The following ZNRF1 variants were observed in gnomAD, a reference collection of about 807,000 sequenced individuals.
ZNRF1 encodes zinc and ring finger 1, also known as E3 ubiquitin-protein ligase ZNRF1.
A neutral mutation model predicts 18.4 loss-of-function variants in ZNRF1; 3 were observed. The observed-to-expected ratio is 0.16, with a 90% confidence interval of 0.07 to 0.42. The LOEUF (loss-of-function observed/expected upper bound fraction) is 0.42, where lower values mean the gene tolerates loss of function less well. ZNRF1 is among the 10% of genes least tolerant of loss of function. The probability of loss-of-function intolerance (pLI) is 0.99; values close to 1 mark genes in which losing one functional copy is unlikely to be tolerated. For missense variants in ZNRF1, 310 were observed against 329.8 expected (o/e 0.94, Z 0.47); for synonymous variants, 157 against 144.2 (o/e 1.09, Z -0.64).
At chr16:75,067,728 TAA>T (rs1421922484) in intron 1 of ZNRF1, among the ~76,000 whole-genome samples, 1 of 152,210 alleles carries the variant, frequency 6.6e-6, no homozygotes, top group Non-Finnish European at 1.5e-5. Context: ...GCTTAATAGA[TAA>T]TGTTAGGAGA....
At chr16:75,071,140 C>T (rs942221458) in intron 1 of ZNRF1, among the ~76,000 whole-genome samples, 13 of 149,594 alleles carry the variant, frequency 8.7e-5, no homozygotes, top group Admixed American at 6.0e-4. Context: ...TGCTCTGTCA[C>T]GCAGGCTGGA....
At chr16:75,087,983 A>T (rs750751014) in intron 1 of ZNRF1, among the ~76,000 whole-genome samples, 9 of 152,222 alleles carry the variant, frequency 5.9e-5, no homozygotes, top group African/African-American at 1.2e-4. Context: ...AGCATCTCTT[A>T]CCTGCTCTGA....
At chr16:75,097,072 G>A (rs1293508880) in intron 2 of ZNRF1, among the ~76,000 whole-genome samples, 6 of 152,240 alleles carry the variant, frequency 3.9e-5, no homozygotes, top group African/African-American at 9.6e-5. Context: ...GAGGGGGTTC[G>A]TTGGTTTGTT....
At chr16:75,015,215 C>T (rs1270372694) in intron 1 of ZNRF1, among the ~76,000 whole-genome samples, 3 of 151,966 alleles carry the variant, frequency 2.0e-5, no homozygotes, top group East Asian at 3.8e-4. Flanking sequence ...ATTTTATTTA[C>T]CTGAGGTCAT....
chr16:75,080,724 A>T (rs1317197911), intron 1 of ZNRF1, among the ~76,000 whole-genome samples: 1 of 152,170 alleles, frequency 6.6e-6, no homozygotes, highest in Non-Finnish European at 1.5e-5. Context: ...TAAAGACTCC[A>T]GCTGGGCATG....
Position 75,083,201 on chromosome 16 carries a change from A to T in ZNRF1, c.425-10371A>T, listed in dbSNP as rs76239992. On this transcript the variant is annotated intron_variant, in intron 1 of 4. Coordinates refer to ENST00000335325, the MANE Select transcript of ZNRF1 (RefSeq NM_032268.5). ...TGAATTTCCTCGAATGGACAGATTT[A>T]CCAGCAAGCTTCAGTATATTTGGGC... 7.0e-3 allele frequency among the ~76,000 whole-genome samples: 1,066 copies of T among 152,332 alleles called. 8 individuals carry two copies. The highest frequency in any genetic ancestry group is 0.025 in the African/African-American group (1,020 of 41,578).
intron 1 of ZNRF1, among the ~76,000 whole-genome samples, chr16:75,051,078 G>C (rs1481672477): frequency 6.6e-6 from 1 of 150,540 alleles, no homozygotes; most frequent in East Asian, 1.9e-4. Context: ...GCACATGCCT[G>C]TAGTCCCAGT....
At chr16:75,051,398 A>G (rs1036126478) in intron 1 of ZNRF1, among the ~76,000 whole-genome samples, 12 of 150,942 alleles carry the variant, frequency 8.0e-5, no homozygotes, top group Admixed American at 5.9e-4. Context: ...TGGTAGAGAA[A>G]GGGTTTCCTC....
In ZNRF1 at chr16:75,104,895, AG is replaced by A; in HGVS notation, c.626+10del. 6.3e-7 allele frequency: 1 copy of A among 1,590,026 alleles called. No individual in the cohort carries two copies. Among genetic ancestry groups the A allele is most frequent in the Non-Finnish European group, 8.6e-7 (1 of 1,168,332 alleles). On this transcript the variant is annotated splice_region_variant and intron_variant, in intron 3 of 4. Transcript: ENST00000335325. ...CTGTGCATCTATCACAAAAGGTAGG[AG>A]GGGTTGGCAAGGTAGCTTAGTGCAC...
intron 1 of ZNRF1, among the ~76,000 whole-genome samples, chr16:75,044,818 C>G (rs750267921): frequency 6.6e-6 from 1 of 152,204 alleles, no homozygotes; most frequent in Non-Finnish European, 1.5e-5. Flanking sequence ...GAATGGAATT[C>G]TTAAAAGTGA....
intron 1 of ZNRF1, among the ~76,000 whole-genome samples, chr16:75,048,178 T>A (rs2035540689): frequency 6.6e-6 from 1 of 152,200 alleles, no homozygotes; most frequent in Admixed American, 6.5e-5. Flanking sequence ...CTCAAACTCC[T>A]GGACTCAAGT....
At chr16:75,044,350 C>G (rs1487725496) in intron 1 of ZNRF1, among the ~76,000 whole-genome samples, 2 of 152,120 alleles carry the variant, frequency 1.3e-5, no homozygotes, top group African/African-American at 4.8e-5. Flanking sequence ...TCCCAAATAG[C>G]TAGGACTATA....
At chr16:75,096,078 G>A (rs1440679315) in intron 2 of ZNRF1, among the ~76,000 whole-genome samples, 1 of 144,488 alleles carries the variant, frequency 6.9e-6, no homozygotes, top group Non-Finnish European at 1.5e-5. Flanking sequence ...GTGTGTGTGT[G>A]TGTGTGTGTG....
At chr16:75,100,273 G>A (rs2036240962) in intron 2 of ZNRF1, among the ~76,000 whole-genome samples, 2 of 152,342 alleles carry the variant, frequency 1.3e-5, no homozygotes, top group South Asian at 2.1e-4. Flanking sequence ...GCATAAAACC[G>A]CCTTGTGGAG....
intron 1 of ZNRF1, among the ~76,000 whole-genome samples, chr16:75,034,546 T>G (rs2035352668): frequency 6.6e-6 from 1 of 152,252 alleles, no homozygotes; most frequent in Non-Finnish European, 1.5e-5. Context: ...GAGTTCCTTC[T>G]GCCTTTGGAT....
chr16:75,018,612 AT>A (rs1296829371), intron 1 of ZNRF1, among the ~76,000 whole-genome samples: 2 of 152,066 alleles, frequency 1.3e-5, no homozygotes, highest in Non-Finnish European at 2.9e-5. Context: ...ACAAACAGCA[AT>A]TTTATCAACA....
chr16:74,999,594 C>T lies in ZNRF1; in HGVS notation c.-78C>T, dbSNP rs569277609. On this transcript the variant is annotated 5_prime_UTR_variant, in exon 1 of 5. Coordinates refer to ENST00000335325, the MANE Select transcript of ZNRF1 (RefSeq NM_032268.5). ...TGACTCCCTCCCCCTTTATGCTCGCCCAGCCCTCCCCCTGCTGCTGAGAAG... is the reference window on the plus strand; with the variant it reads ...TGACTCCCTCCCCCTTTATGCTCGCTCAGCCCTCCCCCTGCTGCTGAGAAG... 74 of 1,105,056 alleles carry T rather than the reference C, an allele frequency of 6.7e-5. No homozygotes were observed. The South Asian group carries it at 2.0e-3, about 30-fold the overall frequency. 68.5% of individuals were successfully genotyped at this position (1,105,056 alleles called of 1,614,324 possible).
chr16:75,005,145 C>T (rs1267664880), intron 1 of ZNRF1, among the ~76,000 whole-genome samples: 1 of 152,152 alleles, frequency 6.6e-6, no homozygotes, highest in Non-Finnish European at 1.5e-5. Context: ...ATTCTGTGGT[C>T]TCCAAAGAGC....
rs541855384 is a variant in ZNRF1 at position 75,108,251 on chromosome 16, T to C, written c.*551T>C. ...TTTTTCCCTCTATTTTTCTGGCTGG[T>C]TTTTTGCTCTTTTCTCCCCTTGAGA... is the stretch of plus-strand genomic sequence containing the variant. On this transcript the variant is annotated 3_prime_UTR_variant, in exon 5 of 5. Transcript: ENST00000335325. The C allele has an allele frequency of 1.7e-5, 4 of 234,646 alleles. No individual in the cohort carries two copies. The highest frequency in any genetic ancestry group is 2.7e-4 in the South Asian group (2 of 7,440). The allele number at this position is 234,646 out of a possible 1,614,324, so 14.5% of individuals were successfully genotyped here. A position where few individuals can be genotyped will look rare whatever the true frequency, so the allele number is the denominator to read the frequency against.
Sources: allele counts gnomAD v4.1 joint callset (sites outside exome capture counted in the v4.1 genomes callset), GRCh38; gene constraint gnomAD v4.1.1; transcripts MANE v1.5; gene names NCBI Gene and HGNC (gene_info 2026-07-23, HGNC 2026-07-21).